The following MKLN1 variants were observed in gnomAD, a reference collection of about 807,000 sequenced individuals.
MKLN1 encodes muskelin 1, also known as muskelin.
A neutral mutation model predicts 99.0 loss-of-function variants in MKLN1; 18 were observed. That is an observed-to-expected ratio of 0.18 (90% CI 0.13 to 0.27). The LOEUF is 0.27. Ranked by LOEUF, MKLN1 falls within the 10% of genes least tolerant of loss-of-function variation. The pLI, the probability that MKLN1 is intolerant of heterozygous loss-of-function variation, is 1.00. For missense variants in MKLN1, 621 were observed against 875.9 expected (o/e 0.71, Z 3.67); for synonymous variants, 288 against 293.2 (o/e 0.98, Z 0.18).
intron 1 of MKLN1, among the ~76,000 whole-genome samples, chr7:131,338,396 G>C (rs1799311216): frequency 6.6e-6 from 1 of 152,140 alleles, no homozygotes; most frequent in Non-Finnish European, 1.5e-5. Context: ...TGGCTTCTTA[G>C]CCCCTTGGCC....
intron 1 of MKLN1, among the ~76,000 whole-genome samples, chr7:131,125,022 A>G (rs1432456112): frequency 6.6e-6 from 1 of 152,212 alleles, no homozygotes; most frequent in Admixed American, 6.5e-5. Flanking sequence ...TCTAGGGAGC[A>G]TCCCCCAACC....
chr7:131,406,345 A>G (rs901923386), intron 6 of MKLN1, among the ~76,000 whole-genome samples: 5 of 151,936 alleles, frequency 3.3e-5, no homozygotes, highest in Non-Finnish European at 7.4e-5. Flanking sequence ...TAGTTTAGAA[A>G]TTGCAAGTAT....
intron 6 of MKLN1, among the ~76,000 whole-genome samples, chr7:131,410,823 AAAGATATAT>A: frequency 6.6e-6 from 1 of 152,214 alleles, no homozygotes; most frequent in Non-Finnish European, 1.5e-5. Flanking sequence ...ATGATTTTTT[AAAGATATAT>A]AAGATCTTTT....
At chr7:131,449,192 C>T (rs142232736) in intron 12 of MKLN1, among the ~76,000 whole-genome samples, 1 of 152,204 alleles carries the variant, frequency 6.6e-6, no homozygotes, top group African/African-American at 2.4e-5. Flanking sequence ...AGAACAAGTA[C>T]AGAGTTCCCA....
chr7:131,410,497 A>G (rs458896), intron 6 of MKLN1, among the ~76,000 whole-genome samples: 4 of 152,168 alleles, frequency 2.6e-5, no homozygotes, highest in African/African-American at 9.7e-5. Flanking sequence ...TCAAAACTGT[A>G]TAATAATGGA....
intron 8 of MKLN1, among the ~76,000 whole-genome samples, chr7:131,419,246 A>ATTT (rs1054663966): frequency 5.6e-5 from 6 of 107,254 alleles, no homozygotes; most frequent in East Asian, 3.3e-4. Context: ...ATATATATAT[A>ATTT]TTTTTGTTTT....
chr7:131,354,123 A>G (rs1475691227), intron 1 of MKLN1, among the ~76,000 whole-genome samples: 1 of 152,022 alleles, frequency 6.6e-6, no homozygotes, highest in Non-Finnish European at 1.5e-5. Context: ...CTTGTGTTTT[A>G]TGTGTAAATT....
At chr7:131,204,520 T>C (rs1403883372) in intron 3 of MKLN1, among the ~76,000 whole-genome samples, 2 of 152,202 alleles carry the variant, frequency 1.3e-5, no homozygotes. Context: ...TGCAGTACTT[T>C]GTTTTGTGAA....
In MKLN1 at chr7:131,225,317, G is replaced by A. The variant is rs1374448773; in HGVS notation, c.-179+22343G>A. 1.1e-4 allele frequency among the ~76,000 whole-genome samples: 16 copies of A among 152,246 alleles called. No individual in the cohort carries two copies. The East Asian group carries it at 1.4e-3, about 13-fold the overall frequency. Reference sequence around the variant, plus strand: ...GTGGAAGGAGGGAAGATATCTCTCCGAGGTCTCTTTTATAAGGGTACTAAT... The same window carrying A: ...GTGGAAGGAGGGAAGATATCTCTCCAAGGTCTCTTTTATAAGGGTACTAAT... On this transcript the variant is annotated intron_variant, in intron 3 of 7. Transcript: ENST00000416992.
intron 3 of MKLN1, among the ~76,000 whole-genome samples, chr7:131,272,508 C>A (rs1180339994): frequency 6.6e-6 from 1 of 152,090 alleles, no homozygotes; most frequent in African/African-American, 2.4e-5. Context: ...AGAATTTTGG[C>A]TTACCCTCAT....
chr7:131,416,979 CAAAAAAA>C (rs374145180), intron 8 of MKLN1, among the ~76,000 whole-genome samples: 4 of 49,564 alleles, frequency 8.1e-5, no homozygotes, highest in Admixed American at 2.2e-4. Flanking sequence ...GCAACCCTGT[CAAAAAAA>C]AAAAAAAAAA....
At chr7:131,327,826 A>C (rs982332300), upstream of MKLN1, 15 of 1,564,834 alleles carry the variant, frequency 9.6e-6, no homozygotes, top group African/African-American at 1.6e-4. Context: ...GGCCCCTTTA[A>C]GAGCAGGCCA....
chr7:131,368,312 T>C (rs894370939), intron 1 of MKLN1, among the ~76,000 whole-genome samples: 3 of 152,246 alleles, frequency 2.0e-5, no homozygotes, highest in African/African-American at 4.8e-5. Context: ...GCTGTCTTTT[T>C]CTATGTCTTT....
At chr7:131,141,104 C>T (rs1795725989) in intron 1 of MKLN1, among the ~76,000 whole-genome samples, 1 of 151,984 alleles carries the variant, frequency 6.6e-6, no homozygotes, top group Admixed American at 6.6e-5. Flanking sequence ...TTTATTTAAG[C>T]TTTGGTGTTA....
intron 3 of MKLN1, among the ~76,000 whole-genome samples, chr7:131,239,099 C>A (rs766499330): frequency 6.6e-6 from 1 of 152,070 alleles, no homozygotes; most frequent in Non-Finnish European, 1.5e-5. Context: ...GTGGCAGAAC[C>A]AAGACAGGAA....
chr7:131,366,705 T>A (rs1386368227), intron 1 of MKLN1, among the ~76,000 whole-genome samples: 1 of 151,966 alleles, frequency 6.6e-6, no homozygotes, highest in African/African-American at 2.4e-5. Flanking sequence ...CCAGCTACTC[T>A]GGAGGCTGAG....
At position 131,489,252 on chromosome 7, in the gene MKLN1, A is replaced by G. The variant is rs888319776; in HGVS notation, c.*1524A>G. The G allele has an allele frequency of 6.6e-6, 1 of 152,072 alleles. No homozygotes were observed. Among genetic ancestry groups the G allele is most frequent in the Non-Finnish European group, 1.5e-5 (1 of 68,004 alleles). The allele number at this position is 152,072 out of a possible 1,614,324, so 9.4% of individuals were successfully genotyped here. ...TTACTTATTTTGGGGATGGATAGAA[A>G]TATATTTTTGCTAGTTCTAGGCTTG... On this transcript the variant is annotated 3_prime_UTR_variant, in exon 18 of 18. Coordinates refer to ENST00000352689, the MANE Select transcript of MKLN1 (RefSeq NM_013255.5).
intron 3 of MKLN1, among the ~76,000 whole-genome samples, chr7:131,223,693 T>A (rs774787560): frequency 4.6e-5 from 7 of 152,218 alleles, no homozygotes; most frequent in Non-Finnish European, 1.0e-4. Flanking sequence ...TGATAGCGAA[T>A]TCTTGCTAAG....
chr7:131,206,134 T>C (rs1796806890), intron 3 of MKLN1, among the ~76,000 whole-genome samples: 1 of 152,104 alleles, frequency 6.6e-6, no homozygotes, highest in Admixed American at 6.6e-5. Context: ...CCTCAGGTGA[T>C]CCACCGCCTC....
Sources: allele counts gnomAD v4.1 joint callset (sites outside exome capture counted in the v4.1 genomes callset), GRCh38; gene constraint gnomAD v4.1.1; transcripts MANE v1.5; gene names NCBI Gene and HGNC (gene_info 2026-07-23, HGNC 2026-07-21).